The following NRK variants were observed in gnomAD, a reference collection of about 807,000 sequenced individuals.
The protein encoded by NRK is nik-related protein kinase.
NRK carries 67 observed loss-of-function variants against 125.2 expected under a neutral mutation model. The ratio of observed to expected loss-of-function variants is 0.54; its 90% CI spans 0.44 to 0.66. The LOEUF (loss-of-function observed/expected upper bound fraction) is 0.66, where lower values mean the gene tolerates loss of function less well. NRK is among the 30% of genes least tolerant of loss of function. NRK has a pLI of 0.00. For synonymous variants in NRK, 458 were observed against 429.0 expected, an observed-to-expected ratio of 1.07 and a Z score of -0.84; for missense variants, 1,224 against 1,192.9, an observed-to-expected ratio of 1.03 and a Z score of -0.38.
intron 2 of NRK, among the ~76,000 whole-genome samples, chrX:105,864,797 GA>G (rs1355307386): frequency 9.0e-6 from 1 of 111,202 alleles, no homozygotes; most frequent in Non-Finnish European, 1.9e-5. Context: ...AAACTTCACA[GA>G]GTTTAGGCAA....
chrX:105,941,462 AT>A (rs2040739318), intron 23 of NRK, among the ~76,000 whole-genome samples: 1 of 109,395 alleles, frequency 9.1e-6, no homozygotes. Flanking sequence ...AATATTTTTT[AT>A]TATTGGAGGA....
intron 23 of NRK, among the ~76,000 whole-genome samples, chrX:105,940,371 A>AT (rs373707328): frequency 8.7e-4 from 94 of 108,385 alleles, no homozygotes; most frequent in Admixed American, 7.7e-3. Context: ...AGATAAACCG[A>AT]TTTTTTTTTC....
At chrX:105,844,819 A>T (rs766136507) in intron 2 of NRK, among the ~76,000 whole-genome samples, 18 of 112,056 alleles carry the variant, frequency 1.6e-4, no homozygotes, top group African/African-American at 4.5e-4. Context: ...TGAGCTGTAA[A>T]GCCTTCCTCA....
In NRK at chrX:105,822,739, C is replaced by T; in HGVS notation, c.-107C>T. On this transcript the variant is annotated 5_prime_UTR_variant, in exon 1 of 29. Transcript: ENST00000243300. ...ACCCCGATCCCCAGACTCCTCTCTC[C>T]CGCCCTCCTCCTTCCTCTCTCCTCC... The T allele has an allele frequency of 1.3e-6, 1 of 761,904 alleles. No homozygotes were observed. Among genetic ancestry groups the T allele is most frequent in the Non-Finnish European group, 2.0e-6 (1 of 502,847 alleles). The allele number at this position is 761,904 out of a possible 1,213,427, so 62.8% of individuals were successfully genotyped here.
chrX:105,947,190 T>TATTATA, intron 26 of NRK, among the ~76,000 whole-genome samples: 3 of 86,563 alleles, frequency 3.5e-5, no homozygotes, highest in African/African-American at 1.3e-4. Context: ...ACGCCTGTAA[T>TATTATA]CCCAGCACTT....
intron 27 of NRK, among the ~76,000 whole-genome samples, chrX:105,950,578 G>GA (rs1246499599): frequency 6.7e-5 from 6 of 89,870 alleles, no homozygotes; most frequent in South Asian, 5.2e-4. Context: ...GTGTGTGTGT[G>GA]GAGAGAGAGA....
chrX:105,924,781 G>A lies in NRK; in HGVS notation c.3062G>A (p.Ser1021Asn). The part of the protein sequence containing the change: ...GKEEAYRGYG[S>N]HTANRSHGGS... ...GAGGAAGCCTACAGAGGCTATGGAA[G>A]CCATACAGCCAATAGAAGCCATGGA... The change falls in exon 19 of 29, where the codon AGC becomes AAC. Residue 1021 changes from serine to asparagine, a missense_variant. Coordinates refer to ENST00000243300, the MANE Select transcript of NRK (RefSeq NM_198465.4). 3.3e-6 allele frequency: 4 copies of A among 1,208,321 alleles called. No homozygotes were observed. Among genetic ancestry groups the A allele is most frequent in the Non-Finnish European group, 4.5e-6 (4 of 893,327 alleles).
intron 2 of NRK, among the ~76,000 whole-genome samples, chrX:105,862,173 AAC>A (rs2039612234): frequency 8.9e-6 from 1 of 112,079 alleles, no homozygotes; most frequent in African/African-American, 3.2e-5. Context: ...GTTGCTGTAA[AAC>A]AGTTATTGAA....
chrX:105,917,718 G>A, intron 16 of NRK, 46 bp downstream of exon 16: 2 of 621,118 alleles, frequency 3.2e-6, no homozygotes, highest in South Asian at 3.2e-5. Context: ...CAGAGCTACT[G>A]TTTAACAATT....
At chrX:105,922,363 G>T (rs1445235973) in intron 17 of NRK, among the ~76,000 whole-genome samples, 1 of 111,548 alleles carries the variant, frequency 9.0e-6, no homozygotes, top group African/African-American at 3.2e-5. Flanking sequence ...TCAGATTGAG[G>T]GGTACAGGTT....
chrX:105,937,624 T>G, intron 22 of NRK, 42 bp downstream of exon 22: 1 of 1,021,387 alleles, frequency 9.8e-7, no homozygotes, highest in Non-Finnish European at 1.3e-6. Context: ...TTATGCAGAT[T>G]AATTAGTCTG....
In NRK at chrX:105,909,377, A is replaced by G. The variant is rs56350428; in HGVS notation, c.1736A>G (p.Glu579Gly). ...GCAGAGACTGAGGCAGAGGAACCTG[A>G]GTCATTACGAGTAAATGCCCAGGTA... is the stretch of plus-strand genomic sequence containing the variant. ...AQAETEAEEP[E>G]SLRVNAQVFL... The change falls in exon 13 of 29, where the codon GAG becomes GGG. Residue 579 changes from glutamate (E) to glycine (G), a missense_variant. Transcript: ENST00000243300. 8.7e-5 allele frequency: 105 copies of G among 1,203,078 alleles called. No individual in the cohort carries two copies. Among genetic ancestry groups the G allele is most frequent in the Non-Finnish European group, 1.1e-4 (96 of 891,185 alleles).
intron 13 of NRK, among the ~76,000 whole-genome samples, chrX:105,910,858 A>G (rs1047763258): frequency 1.8e-5 from 2 of 111,775 alleles, no homozygotes; most frequent in Non-Finnish European, 3.8e-5. Context: ...CAGTTGATTG[A>G]CAATAGTTTC....
intron 3 of NRK, 66 bp downstream of exon 3, chrX:105,880,321 G>GA (rs2147706592): frequency 2.5e-6 from 1 of 400,451 alleles, no homozygotes; most frequent in Non-Finnish European, 4.1e-6. Flanking sequence ...ACACAACTCA[G>GA]AAAATATTGT....
chrX:105,947,458 A>G lies in NRK; in HGVS notation c.4353+994A>G, dbSNP rs1388700843. On this transcript the variant is annotated intron_variant, in intron 26 of 28. Coordinates refer to ENST00000243300, the MANE Select transcript of NRK (RefSeq NM_198465.4). ...ACTCCGTCTCAAAAAAAAAAAAAAA[A>G]AAAAAGAAAGAAATACGGTGCAACA... is the stretch of plus-strand genomic sequence containing the variant. Among the ~76,000 whole-genome samples the G allele has an allele frequency of 5.3e-5, 3 of 56,841 alleles. 1 individual carries two copies. The African/African-American group carries it at 5.4e-4, about 10-fold the overall frequency. 49.4% of individuals were successfully genotyped at this position (56,841 alleles called of 115,157 possible). A position where few individuals can be genotyped will look rare whatever the true frequency, so the allele number is the denominator to read the frequency against.
intron 19 of NRK, among the ~76,000 whole-genome samples, chrX:105,927,131 T>TTG (rs1165273743): frequency 9.0e-6 from 1 of 110,985 alleles, no homozygotes; most frequent in Admixed American, 9.6e-5. Context: ...GCCTCTCCTT[T>TTG]TGTGTGTGTG....
intron 19 of NRK, among the ~76,000 whole-genome samples, chrX:105,929,111 G>C (rs2040561458): frequency 9.0e-6 from 1 of 111,564 alleles, no homozygotes; most frequent in Non-Finnish European, 1.9e-5. Flanking sequence ...TTATATTGTA[G>C]TTTATCTCTC....
chrX:105,840,257 G>A (rs1044649472), intron 2 of NRK, among the ~76,000 whole-genome samples: 8 of 111,511 alleles, frequency 7.2e-5, no homozygotes, highest in Non-Finnish European at 1.3e-4. Context: ...TAAATGTCAT[G>A]GGATTTTTGC....
chrX:105,869,300 T>C (rs2039711894), intron 2 of NRK, among the ~76,000 whole-genome samples: 1 of 111,725 alleles, frequency 9.0e-6, no homozygotes, highest in Non-Finnish European at 1.9e-5. Context: ...TAAATTGATA[T>C]TGATAGAAGA....
Sources: gnomAD v4.1 joint callset for allele counts (sites outside exome capture counted in the v4.1 genomes callset) on GRCh38, gnomAD v4.1.1 for gene constraint, MANE v1.5 for transcripts, NCBI Gene and HGNC (gene_info 2026-07-23, HGNC 2026-07-21) for gene names.